Variants in RBMS1 observed in about 807,000 individuals in gnomAD.
RBMS1 encodes the protein RNA-binding motif, single-stranded-interacting protein 1.
In RBMS1, 17 loss-of-function variants were observed where a neutral mutation model predicts 62.3. That is an observed-to-expected ratio of 0.27 (90% CI 0.19 to 0.41). RBMS1 has a LOEUF of 0.41. Ranked by LOEUF, RBMS1 falls within the 10% of genes least tolerant of loss-of-function variation. The probability of loss-of-function intolerance (pLI) is 1.00; values close to 1 mark genes in which losing one functional copy is unlikely to be tolerated. For missense variants in RBMS1, 334 were observed against 504.5 expected (o/e 0.66, Z 3.24); for synonymous variants, 172 against 170.0 (o/e 1.01, Z -0.09).
At chr2:160,300,853 A>C (rs1317984589) in intron 5 of RBMS1, 123 bp from the exon 6 acceptor site, 2 of 1,122,410 alleles carry the variant, frequency 1.8e-6, no homozygotes, top group Admixed American at 6.9e-5. Context: ...TAAAAATGTG[A>C]ATATGATAAA....
intron 1 of RBMS1, among the ~76,000 whole-genome samples, chr2:160,473,044 T>C (rs568620441): frequency 3.3e-4 from 51 of 152,350 alleles, no homozygotes; most frequent in Middle Eastern, 6.8e-3. Flanking sequence ...GTAAACATTG[T>C]ATAAGGTCTG....
At chr2:160,407,398 G>A (rs1695795225) in intron 1 of RBMS1, 4 of 985,774 alleles carry the variant, frequency 4.1e-6, no homozygotes, top group Non-Finnish European at 4.8e-6. Context: ...CGGAGCCCCT[G>A]AGCGCGGCCC....
intron 1 of RBMS1, among the ~76,000 whole-genome samples, chr2:160,427,481 C>A (rs951950377): frequency 6.6e-6 from 1 of 152,010 alleles, no homozygotes; most frequent in East Asian, 1.9e-4. Context: ...TTGTTAAAGC[C>A]TAAATATATA....
Position 160,493,464 on chromosome 2 carries a change from G to T in RBMS1, c.-101C>A. On this transcript the variant is annotated 5_prime_UTR_variant, in exon 1 of 14. Coordinates refer to ENST00000348849, the MANE Select transcript of RBMS1 (RefSeq NM_016836.4). ...CCTTTCCGGCGGCGGCGGCAGCGGC[G>T]GCGGCGGCGGCGGCTGCTGCTGCTG... is the stretch of plus-strand genomic sequence containing the variant. The T allele has an allele frequency of 1.1e-5, 11 of 1,021,372 alleles. No individual in the cohort carries two copies. Among genetic ancestry groups the T allele is most frequent in the Non-Finnish European group, 1.0e-5 (7 of 672,792 alleles). 63.3% of individuals were successfully genotyped at this position (1,021,372 alleles called of 1,614,324 possible). A position where few individuals can be genotyped will look rare whatever the true frequency, so the allele number is the denominator to read the frequency against.
intron 2 of RBMS1, among the ~76,000 whole-genome samples, chr2:160,360,923 T>C (rs748957521): frequency 3.3e-5 from 5 of 152,078 alleles, no homozygotes; most frequent in South Asian, 2.1e-4. Flanking sequence ...AAATAAAACA[T>C]AGGGACAGAA....
intron 2 of RBMS1, among the ~76,000 whole-genome samples, chr2:160,337,505 C>T (rs1691644170): frequency 6.6e-6 from 1 of 152,102 alleles, no homozygotes; most frequent in Non-Finnish European, 1.5e-5. Context: ...TGTGGCACAG[C>T]AGAACATCCT....
chr2:160,353,145 T>A (rs1467110243), intron 2 of RBMS1, among the ~76,000 whole-genome samples: 2 of 152,138 alleles, frequency 1.3e-5, no homozygotes, highest in Non-Finnish European at 2.9e-5. Flanking sequence ...TTATCAAAAC[T>A]GTCTCACTGT....
intron 1 of RBMS1, among the ~76,000 whole-genome samples, chr2:160,370,164 G>A (rs542196282): frequency 1.3e-5 from 2 of 152,354 alleles, no homozygotes; most frequent in Non-Finnish European, 2.9e-5. Flanking sequence ...AGCCTCTGGT[G>A]AATCCTATAC....
chr2:160,338,778 A>G (rs971776346), intron 2 of RBMS1, among the ~76,000 whole-genome samples: 3 of 152,236 alleles, frequency 2.0e-5, no homozygotes, highest in East Asian at 3.8e-4. Context: ...GGTAGTGGCC[A>G]TAAGACAGAG....
chr2:160,444,331 A>G (rs1683550909), intron 1 of RBMS1, among the ~76,000 whole-genome samples: 1 of 152,276 alleles, frequency 6.6e-6, no homozygotes, highest in African/African-American at 2.4e-5. Flanking sequence ...GTAAACATAA[A>G]GTACGTGGAA....
chr2:160,394,524 A>G (rs529695461), intron 1 of RBMS1, among the ~76,000 whole-genome samples: 15 of 152,222 alleles, frequency 9.9e-5, no homozygotes, highest in Non-Finnish European at 1.9e-4. Context: ...TGATTTCTCA[A>G]GTCAGCTTTC....
chr2:160,305,845 T>G (rs1356437120), intron 4 of RBMS1, among the ~76,000 whole-genome samples: 1 of 151,978 alleles, frequency 6.6e-6, no homozygotes, highest in Non-Finnish European at 1.5e-5. Flanking sequence ...GAAACACATA[T>G]CAAAATATTG....
At chr2:160,371,538 G>C (rs1279058672) in intron 1 of RBMS1, among the ~76,000 whole-genome samples, 1 of 152,170 alleles carries the variant, frequency 6.6e-6, no homozygotes, top group Non-Finnish European at 1.5e-5. Flanking sequence ...CAAGGGCAAA[G>C]AAAACAAGCT....
intron 1 of RBMS1, among the ~76,000 whole-genome samples, chr2:160,379,554 G>A (rs901741430): frequency 1.3e-5 from 2 of 152,194 alleles, no homozygotes; most frequent in Non-Finnish European, 2.9e-5. Context: ...CATCTCTTCT[G>A]AAGCAGATAA....
chr2:160,311,236 A>ATATCTATATATC lies in RBMS1; in HGVS notation c.402+1919_402+1920insGATATATAGATA, dbSNP rs1303110202. Among the ~76,000 whole-genome samples the ATATCTATATATC allele has an allele frequency of 4.4e-3, 270 of 60,706 alleles. 5 individuals are homozygous for ATATCTATATATC. Among genetic ancestry groups the ATATCTATATATC allele is most frequent in the East Asian group, 0.013 (23 of 1,704 alleles). The allele number at this position is 60,706 out of a possible 152,430, so 39.8% of individuals were successfully genotyped here. A position where few individuals can be genotyped will look rare whatever the true frequency, so the allele number is the denominator to read the frequency against. On this transcript the variant is annotated intron_variant, in intron 4 of 13. Transcript: ENST00000348849. ...TCTATCTATCTATCTATCTATCTAT[A>ATATCTATATATC]TATATATATATATATATATATAGTC...
intron 2 of RBMS1, among the ~76,000 whole-genome samples, chr2:160,362,096 C>T (rs1693162251): frequency 6.6e-6 from 1 of 152,246 alleles, no homozygotes. Flanking sequence ...AGAAGGCTCA[C>T]TTCTCTCAGC....
At chr2:160,339,102 A>G (rs1691731145) in intron 2 of RBMS1, among the ~76,000 whole-genome samples, 1 of 152,222 alleles carries the variant, frequency 6.6e-6, no homozygotes, top group African/African-American at 2.4e-5. Flanking sequence ...CAGCGCCCTC[A>G]GCACTGGAGG....
intron 1 of RBMS1, chr2:160,407,630 G>A: frequency 1.0e-6 from 1 of 982,122 alleles, no homozygotes. Context: ...CCGGGCCCGG[G>A]GCCGCGGCAG....
intron 1 of RBMS1, among the ~76,000 whole-genome samples, chr2:160,389,942 A>T (rs1331150648): frequency 6.6e-6 from 1 of 152,182 alleles, no homozygotes; most frequent in Non-Finnish European, 1.5e-5. Context: ...TACATCTTTA[A>T]ATTCTTACAT....
Sources: allele counts gnomAD v4.1 joint callset (sites outside exome capture counted in the v4.1 genomes callset), GRCh38; gene constraint gnomAD v4.1.1; transcripts MANE v1.5; gene names NCBI Gene and HGNC (gene_info 2026-07-23, HGNC 2026-07-21).